AGBL4: variants seen among roughly 807,000 people sequenced by gnomAD.
The protein encoded by AGBL4 is cytosolic carboxypeptidase 6.
A neutral mutation model predicts 66.4 loss-of-function variants in AGBL4; 58 were observed. The ratio of observed to expected loss-of-function variants is 0.87; its 90% confidence interval spans 0.71 to 1.09. AGBL4 has a LOEUF of 1.09. Ranked by LOEUF, AGBL4 falls within the 50% of genes least tolerant of loss-of-function variation. AGBL4 has a pLI of 0.00. For missense variants in AGBL4, 579 were observed against 631.0 expected (o/e 0.92, Z 0.88); for synonymous variants, 234 against 222.9 (o/e 1.05, Z -0.44).
chr1:48,817,994 G>C (rs772074648), intron 6 of AGBL4: 68 of 708,544 alleles, frequency 9.6e-5, no homozygotes, highest in Non-Finnish European at 1.5e-4. Flanking sequence ...TTAAGCACCT[G>C]AGAGTCTGCA....
Position 49,490,960 on chromosome 1 carries a change from G to A in AGBL4, c.282+206353C>T, listed in dbSNP as rs1410226694. ...ACCTCTCTGTACTCCCCTTTCCTCA[G>A]CTAGAAGAAAGAAAGAAAAAATATC... On this transcript the variant is annotated intron_variant, in intron 3 of 13. Transcript: ENST00000371839. 1.3e-5 allele frequency among the ~76,000 whole-genome samples: 2 copies of A among 151,590 alleles called. 1 individual carries two copies. Among genetic ancestry groups the A allele is most frequent in the Non-Finnish European group, 3.0e-5 (2 of 67,792 alleles).
chr1:49,320,159 G>A (rs1265634888), intron 3 of AGBL4, among the ~76,000 whole-genome samples: 3 of 151,908 alleles, frequency 2.0e-5, no homozygotes, highest in Non-Finnish European at 2.9e-5. Context: ...TTGAACTCCT[G>A]GGCACAAGCA....
At chr1:49,358,969 C>T (rs1466415140) in intron 3 of AGBL4, among the ~76,000 whole-genome samples, 1 of 151,834 alleles carries the variant, frequency 6.6e-6, no homozygotes. Flanking sequence ...CTGTCTTCAT[C>T]TCAAGAGGAA....
At chr1:48,949,775 G>A (rs1275127743) in intron 5 of AGBL4, among the ~76,000 whole-genome samples, 6 of 152,204 alleles carry the variant, frequency 3.9e-5, no homozygotes, top group African/African-American at 1.4e-4. Context: ...CTGGAAGCAG[G>A]TGTCACCTGG....
intron 6 of AGBL4, among the ~76,000 whole-genome samples, chr1:48,829,957 T>C (rs891513181): frequency 6.6e-6 from 1 of 150,938 alleles, no homozygotes; most frequent in Admixed American, 6.6e-5. Flanking sequence ...AAAGAGAGAG[T>C]AGGGGAGCAA....
At chr1:49,869,252 C>A (rs1035412205) in intron 1 of AGBL4, among the ~76,000 whole-genome samples, 1 of 152,070 alleles carries the variant, frequency 6.6e-6, no homozygotes, top group African/African-American at 2.4e-5. Flanking sequence ...GGGTATATAC[C>A]CAAAGGAATA....
rs531778693 is a variant in AGBL4 at position 48,706,101 on chromosome 1, A to T, written c.635-42860T>A. On this transcript the variant is annotated intron_variant, in intron 6 of 13. Transcript: ENST00000371839. ...ATGTGCTTAACTCCAGGGTAAACAA[A>T]GTGATAGGGCATTGAGAAATATGTT... is the stretch of plus-strand genomic sequence containing the variant. 2.6e-5 allele frequency among the ~76,000 whole-genome samples: 4 copies of T among 152,338 alleles called. No homozygotes were observed. In the East Asian group the frequency reaches 7.7e-4, roughly 29 times the overall value.
intron 5 of AGBL4, among the ~76,000 whole-genome samples, chr1:49,044,352 T>A (rs1055973105): frequency 5.3e-5 from 8 of 151,812 alleles, no homozygotes; most frequent in African/African-American, 1.9e-4. Flanking sequence ...AAAAATTAGC[T>A]GGGTGTGGTG....
intron 3 of AGBL4, among the ~76,000 whole-genome samples, chr1:49,299,024 T>C (rs1239812694): frequency 6.6e-6 from 1 of 152,164 alleles, no homozygotes; most frequent in East Asian, 1.9e-4. Flanking sequence ...ACAATGACCA[T>C]TGCCGTTTAC....
intron 3 of AGBL4, among the ~76,000 whole-genome samples, chr1:49,336,724 A>AT (rs1645444675): frequency 6.6e-6 from 1 of 152,226 alleles, no homozygotes; most frequent in Non-Finnish European, 1.5e-5. Context: ...CATCTTAAGC[A>AT]TTTATACTTA....
intron 6 of AGBL4, among the ~76,000 whole-genome samples, chr1:48,687,831 T>C (rs1416682725): frequency 6.6e-6 from 1 of 152,208 alleles, no homozygotes; most frequent in Non-Finnish European, 1.5e-5. Context: ...CCTGCAGACC[T>C]ATCCGCAGGT....
At chr1:49,552,436 G>T (rs1653039467) in intron 3 of AGBL4, among the ~76,000 whole-genome samples, 1 of 152,196 alleles carries the variant, frequency 6.6e-6, no homozygotes, top group Non-Finnish European at 1.5e-5. Context: ...GTGCCAGACA[G>T]GAATGGCCTG....
chr1:49,158,816 G>A (rs889231889), intron 4 of AGBL4, among the ~76,000 whole-genome samples: 3 of 151,584 alleles, frequency 2.0e-5, no homozygotes. Context: ...TTACCATTAT[G>A]CAATGCCCTT....
At chr1:48,784,483 G>A (rs1645366678) in intron 6 of AGBL4, among the ~76,000 whole-genome samples, 1 of 152,200 alleles carries the variant, frequency 6.6e-6, no homozygotes, top group African/African-American at 2.4e-5. Flanking sequence ...AAATGTTCAA[G>A]AGCCTCTGAG....
intron 4 of AGBL4, among the ~76,000 whole-genome samples, chr1:49,180,763 C>T (rs1190933755): frequency 6.6e-6 from 1 of 152,170 alleles, no homozygotes; most frequent in Non-Finnish European, 1.5e-5. Flanking sequence ...CCATATACTC[C>T]ATGAACCAAG....
intron 1 of AGBL4, among the ~76,000 whole-genome samples, chr1:49,854,648 A>G (rs1284699664): frequency 1.3e-5 from 2 of 152,102 alleles, no homozygotes; most frequent in Non-Finnish European, 2.9e-5. Flanking sequence ...TGGAGCCCCA[A>G]GGACATCCTC....
intron 3 of AGBL4, among the ~76,000 whole-genome samples, chr1:49,566,355 C>T (rs1336134481): frequency 6.6e-6 from 1 of 152,174 alleles, no homozygotes; most frequent in African/African-American, 2.4e-5. Flanking sequence ...AGCTGTGTTC[C>T]TTTGGAGGAG....
chr1:49,733,841 A>C (rs1203145004), intron 2 of AGBL4, among the ~76,000 whole-genome samples: 1 of 152,180 alleles, frequency 6.6e-6, no homozygotes, highest in East Asian at 1.9e-4. Context: ...AAAACTAATA[A>C]CTAATATGCC....
At chr1:49,631,514 C>T (rs1256602605) in intron 3 of AGBL4, among the ~76,000 whole-genome samples, 1 of 152,174 alleles carries the variant, frequency 6.6e-6, no homozygotes, top group Non-Finnish European at 1.5e-5. Context: ...AGACAATCCT[C>T]TCCACTTGCA....
Sources: allele counts gnomAD v4.1 joint callset (sites outside exome capture counted in the v4.1 genomes callset), GRCh38; gene constraint gnomAD v4.1.1; transcripts MANE v1.5; gene names NCBI Gene and HGNC (gene_info 2026-07-23, HGNC 2026-07-21).